The following SMIM36 variants were observed in gnomAD, a reference collection of about 807,000 sequenced individuals.
The protein encoded by SMIM36 is small integral membrane protein 36.
chr17:55,462,482 T>G (rs1909163124), intron 4 of SMIM36, among the ~76,000 whole-genome samples: 1 of 152,150 alleles, frequency 6.6e-6, no homozygotes, highest in Non-Finnish European at 1.5e-5. Context: ...GGCATGTGCC[T>G]GTAGTCTTAG....
chr17:55,506,384 G>C (rs1384676420), intron 1 of SMIM36, among the ~76,000 whole-genome samples: 1 of 10,662 alleles, frequency 9.4e-5, no homozygotes, highest in Non-Finnish European at 1.2e-4. Context: ...CAGAGATATA[G>C]ATCAATGGAA....
At chr17:55,501,383 A>ATTATGTTATATATTATATTCTATAAT (rs1307253523) in intron 1 of SMIM36, among the ~76,000 whole-genome samples, 1 of 29,384 alleles carries the variant, frequency 3.4e-5, no homozygotes, top group African/African-American at 1.8e-4. Context: ...TATATTATAG[A>ATTATGTTATATATTATATTCTATAAT]ATATAATATA....
chr17:55,499,938 C>A (rs1383150139), intron 1 of SMIM36, among the ~76,000 whole-genome samples: 2 of 145,730 alleles, frequency 1.4e-5, no homozygotes, highest in Non-Finnish European at 3.0e-5. Flanking sequence ...AAGTAAACAT[C>A]ATGCTGTAGA....
chr17:55,494,742 A>C (rs150907239), intron 1 of SMIM36, among the ~76,000 whole-genome samples: 2 of 152,324 alleles, frequency 1.3e-5, no homozygotes, highest in Non-Finnish European at 2.9e-5. Context: ...AGTATATACA[A>C]ATATAAGTAT....
At chr17:55,463,957 A>T (rs190467345) in intron 4 of SMIM36, among the ~76,000 whole-genome samples, 1 of 152,170 alleles carries the variant, frequency 6.6e-6, no homozygotes, top group East Asian at 1.9e-4. Flanking sequence ...CTCTACTAAA[A>T]ATACAAAAAT....
At chr17:55,529,807 A>ACAAACAAACAAACAAACAAAC in the SMIM36 span, among the ~76,000 whole-genome samples, 83 of 152,252 alleles carry the variant, frequency 5.5e-4, no homozygotes, top group African/African-American at 1.9e-3. Context: ...AAACAAACAA[A>ACAAACAAACAAACAAACAAAC]AAACAAAACA....
At chr17:55,506,455 TG>T (rs1910079813) in intron 1 of SMIM36, among the ~76,000 whole-genome samples, 1 of 23,738 alleles carries the variant, frequency 4.2e-5, no homozygotes, top group Non-Finnish European at 6.4e-5. Context: ...TTGACAAACC[TG>T]AGAAAAACAA....
At chr17:55,484,863 G>T (rs896197600) in intron 1 of SMIM36, among the ~76,000 whole-genome samples, 1 of 152,188 alleles carries the variant, frequency 6.6e-6, no homozygotes, top group African/African-American at 2.4e-5. Flanking sequence ...GAAGTCAATG[G>T]CATGAGGCAA....
intron 4 of SMIM36, among the ~76,000 whole-genome samples, chr17:55,457,121 C>A (rs1358478196): frequency 6.6e-6 from 1 of 152,098 alleles, no homozygotes; most frequent in African/African-American, 2.4e-5. Flanking sequence ...AAAGGATAAA[C>A]CAGGCAGTTT....
chr17:55,514,449 A>G (rs1300354746), upstream of SMIM36, among the ~76,000 whole-genome samples: 1 of 152,250 alleles, frequency 6.6e-6, no homozygotes, highest in Non-Finnish European at 1.5e-5. Flanking sequence ...TAACAAATGT[A>G]GAGCTCAGAG....
At chr17:55,528,448 C>G in the SMIM36 span, among the ~76,000 whole-genome samples, 1 of 152,026 alleles carries the variant, frequency 6.6e-6, no homozygotes, top group Admixed American at 6.6e-5. Context: ...AGCTCCTGGT[C>G]TCCAGTGATC....
chr17:55,531,569 C>T, the SMIM36 span, among the ~76,000 whole-genome samples: 5 of 152,156 alleles, frequency 3.3e-5, no homozygotes, highest in African/African-American at 7.2e-5. Flanking sequence ...GGTAGTTAAC[C>T]TTTGGCCTTG....
chr17:55,518,066 A>G, the SMIM36 span, among the ~76,000 whole-genome samples: 1 of 152,220 alleles, frequency 6.6e-6, no homozygotes, highest in African/African-American at 2.4e-5. Context: ...TGCTGCTATA[A>G]CAGAATACTT....
At chr17:55,528,433 C>G in the SMIM36 span, among the ~76,000 whole-genome samples, 2 of 152,046 alleles carry the variant, frequency 1.3e-5, no homozygotes, top group Non-Finnish European at 2.9e-5. Context: ...CTCACTGCAG[C>G]TTCAAGCTCC....
At chr17:55,491,948 A>G (rs568404412) in intron 1 of SMIM36, among the ~76,000 whole-genome samples, 1 of 152,194 alleles carries the variant, frequency 6.6e-6, no homozygotes, top group African/African-American at 2.4e-5. Flanking sequence ...TCACGAGGTC[A>G]GTAGATCGAG....
intron 1 of SMIM36, among the ~76,000 whole-genome samples, chr17:55,481,562 T>A (rs1325893143): frequency 6.6e-6 from 1 of 152,158 alleles, no homozygotes; most frequent in Non-Finnish European, 1.5e-5. Flanking sequence ...CTAGATTAAG[T>A]TCTGTATTTT....
intron 1 of SMIM36, among the ~76,000 whole-genome samples, chr17:55,501,271 AT>A (rs2144717570): frequency 1.6e-5 from 1 of 61,302 alleles, no homozygotes; most frequent in African/African-American, 5.6e-5. Context: ...TTTATAATAT[AT>A]TATATTATAT....
the SMIM36 span, chr17:55,528,111 A>G: frequency 6.6e-6 from 1 of 152,130 alleles, no homozygotes; most frequent in Non-Finnish European, 1.5e-5. Context: ...TAGAGCACAT[A>G]TTACCCATTA....
intron 1 of SMIM36, among the ~76,000 whole-genome samples, chr17:55,492,900 C>T (rs1251145799): frequency 6.6e-6 from 1 of 152,198 alleles, no homozygotes; most frequent in Non-Finnish European, 1.5e-5. Context: ...GAAGTCAATG[C>T]ATCACCATAT....
Sources: gnomAD v4.1 joint callset for allele counts (sites outside exome capture counted in the v4.1 genomes callset) on GRCh38, gnomAD v4.1.1 for gene constraint, MANE v1.5 for transcripts, NCBI Gene and HGNC (gene_info 2026-07-23, HGNC 2026-07-21) for gene names.